Variants in SLC13A3 observed in about 807,000 individuals in gnomAD.
SLC13A3 encodes Na(+)/dicarboxylate cotransporter 3.
Under a neutral mutation model 59.0 loss-of-function variants are expected in SLC13A3, and 40 were observed. The observed-to-expected ratio is 0.68, with a 90% CI of 0.53 to 0.88. The LOEUF (loss-of-function observed/expected upper bound fraction) is 0.88. Among genes scored for constraint, SLC13A3 ranks in the 40% least tolerant of loss-of-function variants. The pLI is 0.00. For missense variants in SLC13A3, 699 were observed against 783.2 expected (o/e 0.89, Z 1.28); for synonymous variants, 317 against 330.3 (o/e 0.96, Z 0.44).
rs748916109 is a variant in SLC13A3, at chr20:46,566,268, C to T, written c.1455G>A (p.Thr485=). 9.9e-6 allele frequency: 16 copies of T among 1,613,450 alleles called. No individual in the cohort carries two copies. The highest frequency in any genetic ancestry group is 1.6e-4 in the Middle Eastern group (1 of 6,082). Residue 485 remains threonine (T), a synonymous_variant, in exon 11 of 13, where the codon ACG becomes ACA. Transcript: ENST00000279027. ...CCGGCAGGAAGATGATGATGGTCGC[C>T]GTGTTGCTGGCAAACTCAGTGAAGA... The part of the protein sequence containing the change: ...IAFFTEFASN[T]ATIIIFLPVL...
chr20:46,616,679 G>T (rs1211001008), intron 1 of SLC13A3, among the ~76,000 whole-genome samples: 1 of 152,210 alleles, frequency 6.6e-6, no homozygotes, highest in Non-Finnish European at 1.5e-5. Context: ...AGCAAACAAG[G>T]ATGTGGGGAA....
chr20:46,585,314 C>T (rs2062179597), intron 8 of SLC13A3: 28 of 994,458 alleles, frequency 2.8e-5, no homozygotes, highest in Non-Finnish European at 3.2e-5. Context: ...GATCTCTGGG[C>T]AGTGGGACAT....
intron 3 of SLC13A3, chr20:46,608,672 G>A: frequency 1.9e-6 from 1 of 518,924 alleles, no homozygotes; most frequent in Admixed American, 3.5e-5. Flanking sequence ...TCATGTGACT[G>A]TCAGTGAGAT....
At chr20:46,642,854 G>A (rs750554363) in intron 1 of SLC13A3, among the ~76,000 whole-genome samples, 5 of 152,194 alleles carry the variant, frequency 3.3e-5, no homozygotes, top group African/African-American at 9.7e-5. Flanking sequence ...GGAGATAGGC[G>A]ACAGCAGGAG....
At chr20:46,569,921 G>A (rs2062015433) in intron 10 of SLC13A3, among the ~76,000 whole-genome samples, 2 of 152,150 alleles carry the variant, frequency 1.3e-5, no homozygotes. Flanking sequence ...TTCAATATTT[G>A]AAGTCAAAAA....
Position 46,566,246 on chromosome 20 carries a change from G to T in SLC13A3, c.1477C>A (p.Pro493Thr). ...ACCCTCACCAGCTCTGCCAGGACCG[G>T]CAGGAAGATGATGATGGTCGCCGTG... ...SNTATIIIFLPVLAELAIRLR... is the reference protein window; with the variant it reads ...SNTATIIIFLTVLAELAIRLR... The change falls in exon 11 of 13, where the codon CCG becomes ACG. Residue 493 changes from proline (P) to threonine (T), a missense_variant. Coordinates refer to ENST00000279027, the MANE Select transcript of SLC13A3 (RefSeq NM_022829.6). The T allele has an allele frequency of 6.2e-7, 1 of 1,613,592 alleles. No individual in the cohort carries two copies. The highest frequency in any genetic ancestry group is 8.5e-7 in the Non-Finnish European group (1 of 1,179,606).
At chr20:46,583,501 G>T (rs1345813476) in intron 9 of SLC13A3, 71 bp downstream of exon 9, 2 of 1,581,068 alleles carry the variant, frequency 1.3e-6, no homozygotes, top group Non-Finnish European at 1.7e-6. Flanking sequence ...GGGGCTCCAG[G>T]CCCTTGATGA....
At chr20:46,630,336 C>G (rs1450344806) in intron 1 of SLC13A3, among the ~76,000 whole-genome samples, 2 of 152,238 alleles carry the variant, frequency 1.3e-5, no homozygotes, top group Non-Finnish European at 2.9e-5. Context: ...ATCAGTTCAT[C>G]TGAATGCTGT....
At chr20:46,641,261 A>G (rs2062843862) in intron 1 of SLC13A3, among the ~76,000 whole-genome samples, 1 of 152,112 alleles carries the variant, frequency 6.6e-6, no homozygotes, top group African/African-American at 2.4e-5. Context: ...TTGTGTTCAA[A>G]TCCAAATTCA....
chr20:46,634,043 G>T (rs2062771707), intron 1 of SLC13A3, among the ~76,000 whole-genome samples: 2 of 152,274 alleles, frequency 1.3e-5, no homozygotes, highest in Non-Finnish European at 2.9e-5. Context: ...TATCCCCACG[G>T]CTCAGCGATG....
At chr20:46,673,931 T>C (rs970555558), upstream of SLC13A3, among the ~76,000 whole-genome samples, 7 of 152,224 alleles carry the variant, frequency 4.6e-5, no homozygotes, top group Admixed American at 1.3e-4. Flanking sequence ...TCATTCTGGG[T>C]GCTGGGGATA....
chr20:46,559,777 GA>G lies in SLC13A3; in HGVS notation c.*244del. 2.1e-6 allele frequency: 1 copy of G among 478,072 alleles called. No homozygotes were observed. The highest frequency in any genetic ancestry group is 3.8e-6 in the Non-Finnish European group (1 of 266,024). The allele number at this position is 478,072 out of a possible 1,614,324, so 29.6% of individuals were successfully genotyped here. A position where few individuals can be genotyped will look rare whatever the true frequency, so the allele number is the denominator to read the frequency against. On this transcript the variant is annotated 3_prime_UTR_variant, in exon 13 of 13. Coordinates refer to ENST00000279027, the MANE Select transcript of SLC13A3 (RefSeq NM_022829.6). Reference sequence around the variant, plus strand: ...TATCCTAATGATAAAACAGCTAACTGATAAAGGAGCTTATTTCTCAGGCAGC... The same window carrying G: ...TATCCTAATGATAAAACAGCTAACTGTAAAGGAGCTTATTTCTCAGGCAGC...
intron 6 of SLC13A3, 40 bp downstream of exon 6, chr20:46,592,364 T>C: frequency 6.2e-7 from 1 of 1,610,786 alleles, no homozygotes. Flanking sequence ...CGCCATTCCC[T>C]GCTTCCCCAC....
chr20:46,646,515 C>T (rs1332851035), intron 1 of SLC13A3, among the ~76,000 whole-genome samples: 1 of 152,180 alleles, frequency 6.6e-6, no homozygotes, highest in Non-Finnish European at 1.5e-5. Context: ...TCCCCTAATT[C>T]TCGTAACAGA....
chr20:46,620,141 A>G (rs1388932816), intron 1 of SLC13A3, among the ~76,000 whole-genome samples: 2 of 152,248 alleles, frequency 1.3e-5, no homozygotes, highest in African/African-American at 4.8e-5. Context: ...GGAAAAAATA[A>G]GAACATTTAT....
At chr20:46,604,567 T>C (rs949941679) in intron 3 of SLC13A3, among the ~76,000 whole-genome samples, 4 of 152,060 alleles carry the variant, frequency 2.6e-5, no homozygotes, top group African/African-American at 9.7e-5. Flanking sequence ...TTTGGGGAAG[T>C]CCCTTCCACA....
chr20:46,600,290 GGAAA>G (rs777113264), intron 3 of SLC13A3, among the ~76,000 whole-genome samples: 117 of 104,150 alleles, frequency 1.1e-3, no homozygotes, highest in Middle Eastern at 4.7e-3. Flanking sequence ...GGAAAGGGAG[GGAAA>G]GAAAGAAAGA....
intron 1 of SLC13A3, among the ~76,000 whole-genome samples, chr20:46,645,808 A>G (rs1320256806): frequency 1.3e-5 from 2 of 152,182 alleles, no homozygotes; most frequent in Non-Finnish European, 2.9e-5. Context: ...TCTTCTCCTA[A>G]TCATCAGTGA....
rs138766507 is a variant in SLC13A3 at position 46,683,008 on chromosome 20, G to A, written c.-31+1388C>T. ...TCCCACTGTGGGCCAAGGGCTAAGT[G>A]TGCAGATGGACGATTCTCCTCCTGG... On this transcript the variant is annotated intron_variant, in intron 1 of 6. Coordinates refer to the SLC13A3 transcript ENST00000372121. 7.6e-3 allele frequency among the ~76,000 whole-genome samples: 1,154 copies of A among 152,248 alleles called. 17 individuals carry two copies. Among genetic ancestry groups the A allele is most frequent in the African/African-American group, 0.026 (1,082 of 41,530 alleles).
Sources: allele counts gnomAD v4.1 joint callset (sites outside exome capture counted in the v4.1 genomes callset), GRCh38; gene constraint gnomAD v4.1.1; transcripts MANE v1.5; gene names NCBI Gene and HGNC (gene_info 2026-07-23, HGNC 2026-07-21).